DMD: variants seen among roughly 807,000 people sequenced by gnomAD.
DMD encodes dystrophin, also known as mutant dystrophin.
Under a neutral mutation model 330.1 loss-of-function variants are expected in DMD, and 63 were observed. The ratio of observed to expected loss-of-function variants is 0.19; its 90% CI spans 0.16 to 0.24. DMD has a LOEUF of 0.24. DMD is among the 10% of genes least tolerant of loss of function. The pLI is 1.00. For missense variants in DMD, 3,344 were observed against 2,684.1 expected, an observed-to-expected ratio of 1.25 and a Z score of -5.43; for synonymous variants, 1,223 against 959.8, an observed-to-expected ratio of 1.27 and a Z score of -5.07.
intron 47 of DMD, among the ~76,000 whole-genome samples, chrX:31,911,501 CT>C (rs34439142): frequency 0.13 from 13,051 of 101,516 alleles, 675 homozygotes; most frequent in African/African-American, 0.19. Context: ...GCATTTCTCA[CT>C]TTTTTTTTTT....
In DMD at chrX:31,896,909, CTTTTTTCTTTT is replaced by C. The variant is rs1264448222; in HGVS notation, c.6913-21547_6913-21537del. Among the ~76,000 whole-genome samples the C allele has an allele frequency of 2.7e-5, 3 of 109,832 alleles. No homozygotes were observed. In the East Asian group the frequency reaches 8.5e-4, roughly 31 times the overall value. On this transcript the variant is annotated intron_variant, in intron 47 of 78. Transcript: ENST00000357033. ...AGAACAACATTTTACAATTTCTTTG[CTTTTTTCTTTT>C]TTTTTTCTTTTATTATTGTACTTTA... is the stretch of plus-strand genomic sequence containing the variant.
chrX:31,454,432 G>C (rs911868163), intron 59 of DMD, among the ~76,000 whole-genome samples: 2 of 112,393 alleles, frequency 1.8e-5, no homozygotes, highest in Non-Finnish European at 3.8e-5. Flanking sequence ...GTGAGCCACT[G>C]CGCCTGAAGT....
chrX:31,926,678 AAAAT>A (rs1171345204), intron 47 of DMD, among the ~76,000 whole-genome samples: 2 of 109,098 alleles, frequency 1.8e-5, no homozygotes. Flanking sequence ...TCTGTCTCAA[AAAAT>A]AAATAAAAAA....
intron 54 of DMD, among the ~76,000 whole-genome samples, chrX:31,630,112 T>C (rs754871600): frequency 1.4e-3 from 157 of 111,959 alleles, no homozygotes; most frequent in African/African-American, 5.0e-3. Context: ...CCAGAGAAAG[T>C]AACTAGTAAA....
chrX:32,960,007 C>T (rs888712628), intron 2 of DMD, among the ~76,000 whole-genome samples: 3 of 111,769 alleles, frequency 2.7e-5, no homozygotes, highest in African/African-American at 9.8e-5. Flanking sequence ...TTCTTAACTG[C>T]CTGCCCTCTA....
chrX:31,511,911 T>C (rs1321420740), intron 55 of DMD, among the ~76,000 whole-genome samples: 42 of 106,582 alleles, frequency 3.9e-4, no homozygotes, highest in African/African-American at 1.4e-3. Flanking sequence ...ATCGCCACAC[T>C]GACTTCCACA....
rs1603631321 is a variant in DMD, at chrX:32,346,030, G to A, written c.5499C>T (p.Asn1833=). 3 of 1,209,029 alleles carry A rather than the reference G, an allele frequency of 2.5e-6. No homozygotes were observed. The highest frequency in any genetic ancestry group is 3.4e-6 in the Non-Finnish European group (3 of 893,735). The change falls in exon 39 of 79, where the codon AAC becomes AAT. Residue 1833 remains asparagine, a synonymous_variant. Coordinates refer to ENST00000357033, the MANE Select transcript of DMD (RefSeq NM_004006.3). The part of the protein sequence containing the change: ...TVKELLQRGD[N]LQQRITDERK... ...TCTCATCTGTGATTCTTTGTTGTAA[G>A]TTGTCTCCTCTTTGCAACAATTCTT...
At chrX:32,931,728 A>C (rs1035945645) in intron 2 of DMD, among the ~76,000 whole-genome samples, 14 of 111,868 alleles carry the variant, frequency 1.3e-4, no homozygotes, top group Non-Finnish European at 2.6e-4. Flanking sequence ...AGTTTTTAAA[A>C]TGTCCATGAG....
At chrX:32,080,383 T>C (rs2096383030) in intron 44 of DMD, among the ~76,000 whole-genome samples, 1 of 112,157 alleles carries the variant, frequency 8.9e-6, no homozygotes, top group Non-Finnish European at 1.9e-5. Flanking sequence ...AATATATGGC[T>C]TATAATATCT....
intron 7 of DMD, among the ~76,000 whole-genome samples, chrX:32,731,400 G>A (rs1040781320): frequency 1.8e-5 from 2 of 112,560 alleles, no homozygotes; most frequent in Admixed American, 1.9e-4. Context: ...TGAACTGGGT[G>A]GAGCCCACCA....
At chrX:32,396,730 T>C (rs2098047077) in intron 30 of DMD, among the ~76,000 whole-genome samples, 1 of 111,654 alleles carries the variant, frequency 9.0e-6, no homozygotes, top group Non-Finnish European at 1.9e-5. Context: ...AAAATGTCTT[T>C]ATATTTCCAA....
chrX:33,270,622 C>T (rs1489736074), intron 1 of DMD, among the ~76,000 whole-genome samples: 4 of 111,776 alleles, frequency 3.6e-5, no homozygotes, highest in Non-Finnish European at 5.6e-5. Context: ...AGAAACTAGA[C>T]GGCAGCAAAA....
At chrX:32,107,710 T>A (rs775733475) in intron 44 of DMD, among the ~76,000 whole-genome samples, 1 of 110,989 alleles carries the variant, frequency 9.0e-6, no homozygotes, top group Admixed American at 9.7e-5. Context: ...CAATCTACTT[T>A]ACTCAGTCTA....
At chrX:32,510,599 A>G (rs2045188040) in intron 18 of DMD, among the ~76,000 whole-genome samples, 1 of 111,753 alleles carries the variant, frequency 8.9e-6, no homozygotes, top group South Asian at 3.7e-4. Context: ...GTACATAATA[A>G]GGCGAGCTCT....
At chrX:31,203,907 T>A in intron 67 of DMD, 54 bp downstream of exon 67, 1 of 1,108,521 alleles carries the variant, frequency 9.0e-7, no homozygotes. Flanking sequence ...GTTTTTTAAT[T>A]AATTTCTAAA....
intron 42 of DMD, among the ~76,000 whole-genome samples, chrX:32,289,591 G>C (rs1486213545): frequency 9.0e-6 from 1 of 111,170 alleles, no homozygotes; most frequent in Non-Finnish European, 1.9e-5. Flanking sequence ...GCAGGTTGCT[G>C]TAAATAAGCT....
chrX:31,454,816 G>A (rs964704747), intron 59 of DMD, among the ~76,000 whole-genome samples: 13 of 110,757 alleles, frequency 1.2e-4, no homozygotes, highest in East Asian at 1.1e-3. Flanking sequence ...GCAGCAGTGC[G>A]ATCATAGCTC....
At chrX:32,986,432 GA>G (rs1247473012) in intron 2 of DMD, among the ~76,000 whole-genome samples, 2 of 111,497 alleles carry the variant, frequency 1.8e-5, no homozygotes, top group Non-Finnish European at 3.8e-5. Context: ...ACTTTTCAAA[GA>G]AAAAAATTAT....
intron 7 of DMD, among the ~76,000 whole-genome samples, chrX:32,798,191 A>C (rs2076310328): frequency 8.9e-6 from 1 of 112,250 alleles, no homozygotes; most frequent in Non-Finnish European, 1.9e-5. Flanking sequence ...ATGTTTTTCA[A>C]GTCTCTGTTG....
Sources: gnomAD v4.1 joint callset for allele counts (sites outside exome capture counted in the v4.1 genomes callset) on GRCh38, gnomAD v4.1.1 for gene constraint, MANE v1.5 for transcripts, NCBI Gene and HGNC (gene_info 2026-07-23, HGNC 2026-07-21) for gene names.